Variants in NCAPG2 observed in about 807,000 individuals in gnomAD.
The protein encoded by NCAPG2 is condensin-2 complex subunit G2.
NCAPG2 carries 53 observed loss-of-function variants against 141.1 expected under a neutral mutation model. The observed-to-expected ratio is 0.38, with a 90% CI of 0.30 to 0.47. NCAPG2 has a LOEUF of 0.47. NCAPG2 is among the 20% of genes least tolerant of loss of function. The pLI, the probability that NCAPG2 is intolerant of heterozygous loss-of-function variation, is 0.99. For synonymous variants in NCAPG2, 499 were observed against 490.7 expected, an observed-to-expected ratio of 1.02 and a Z score of -0.22; for missense variants, 1,087 against 1,389.0, an observed-to-expected ratio of 0.78 and a Z score of 3.46.
intron 21 of NCAPG2, 95 bp from the exon 22 acceptor site, chr7:158,654,789 T>C: frequency 6.7e-7 from 1 of 1,486,020 alleles, no homozygotes; most frequent in Non-Finnish European, 8.9e-7. Flanking sequence ...GTGCTAGTTA[T>C]CTTATAAAGC....
chr7:158,646,224 T>A lies in NCAPG2; in HGVS notation c.3179+236A>T, dbSNP rs954198368. Among the ~76,000 whole-genome samples the A allele has an allele frequency of 1.5e-4, 23 of 152,246 alleles. 1 individual carries two copies. The highest frequency in any genetic ancestry group is 3.2e-3 in the Middle Eastern group (1 of 316). ...GAATTTAAGTTATGAGAAGCATAAC[T>A]AACCAGAGACTATTTAGATGAATAT... On this transcript the variant is annotated intron_variant, in intron 25 of 27. Coordinates refer to ENST00000356309, the MANE Select transcript of NCAPG2 (RefSeq NM_017760.7).
intron 13 of NCAPG2, among the ~76,000 whole-genome samples, chr7:158,667,546 A>C (rs75318651): frequency 7.3e-4 from 5 of 6,888 alleles, no homozygotes; most frequent in Non-Finnish European, 1.0e-3. Context: ...GTGGCCCTCC[A>C]CCCGCTTACC....
chr7:158,654,748 A>T, intron 21 of NCAPG2, 54 bp from the exon 22 acceptor site: 1 of 1,569,980 alleles, frequency 6.4e-7, no homozygotes, highest in Non-Finnish European at 8.6e-7. Flanking sequence ...AAAGGGAGTA[A>T]ATCCAGCCTC....
intron 8 of NCAPG2, among the ~76,000 whole-genome samples, chr7:158,685,735 G>A (rs1195269136): frequency 2.0e-5 from 3 of 152,130 alleles, no homozygotes; most frequent in Non-Finnish European, 2.9e-5. Flanking sequence ...CCATGGATGC[G>A]AAACCCACAA....
intron 22 of NCAPG2, among the ~76,000 whole-genome samples, chr7:158,653,402 T>TAA (rs1380065224): frequency 6.6e-6 from 1 of 150,638 alleles, no homozygotes; most frequent in Non-Finnish European, 1.5e-5. Context: ...ATAATAATAA[T>TAA]TAAACAAAAA....
intron 24 of NCAPG2, among the ~76,000 whole-genome samples, chr7:158,648,195 A>C (rs922628142): frequency 6.6e-5 from 10 of 152,234 alleles, no homozygotes; most frequent in African/African-American, 2.2e-4. Flanking sequence ...CAACAGCATA[A>C]GGGATAGGAG....
At chr7:158,685,603 A>G (rs1834707977) in intron 8 of NCAPG2, among the ~76,000 whole-genome samples, 1 of 152,206 alleles carries the variant, frequency 6.6e-6, no homozygotes, top group Non-Finnish European at 1.5e-5. Flanking sequence ...TACAGTGTCA[A>G]TGTTATGGAA....
intron 4 of NCAPG2, 106 bp downstream of exon 4, chr7:158,692,736 C>T (rs1835206263): frequency 1.1e-5 from 9 of 848,882 alleles, no homozygotes; most frequent in Admixed American, 2.4e-5. Flanking sequence ...AGCGAAACTC[C>T]GTCTCAAAAA....
chr7:158,672,645 A>G (rs1431472628), intron 12 of NCAPG2, among the ~76,000 whole-genome samples: 1 of 151,986 alleles, frequency 6.6e-6, no homozygotes, highest in Non-Finnish European at 1.5e-5. Flanking sequence ...CTGGCCACAT[A>G]TATTTTAATG....
intron 13 of NCAPG2, chr7:158,665,271 G>A (rs79018397): frequency 0.035 from 5,502 of 157,240 alleles, 147 homozygotes; most frequent in Middle Eastern, 0.078. Context: ...CCACAGCCTA[G>A]TCTCATCTCC....
chr7:158,697,214 A>C (rs1047359082), intron 2 of NCAPG2, among the ~76,000 whole-genome samples: 1 of 152,222 alleles, frequency 6.6e-6, no homozygotes, highest in Non-Finnish European at 1.5e-5. Context: ...CAAGATGTTA[A>C]GGTGGAAGAC....
intron 27 of NCAPG2, chr7:158,640,448 G>C (rs537487487): frequency 6.6e-6 from 1 of 152,158 alleles, no homozygotes; most frequent in Non-Finnish European, 1.5e-5. Flanking sequence ...TACAAGAATC[G>C]TTTGAACTTA....
At chr7:158,647,436 C>G (rs546902348) in intron 24 of NCAPG2, among the ~76,000 whole-genome samples, 3 of 152,226 alleles carry the variant, frequency 2.0e-5, no homozygotes, top group Admixed American at 6.5e-5. Context: ...TTTAGAGCCA[C>G]GAGGGCACCT....
chr7:158,632,129 T>C (rs931634341), intron 27 of NCAPG2, among the ~76,000 whole-genome samples: 1 of 152,200 alleles, frequency 6.6e-6, no homozygotes. Context: ...CCATGACATT[T>C]ACCTACTACC....
intron 13 of NCAPG2, chr7:158,667,216 C>G: frequency 2.0e-6 from 2 of 985,570 alleles, no homozygotes; most frequent in Non-Finnish European, 2.4e-6. Flanking sequence ...GTTCTGCCTT[C>G]TTCCTCTGCT....
Position 158,683,980 on chromosome 7 carries a change from T to C in NCAPG2, c.838-594A>G, listed in dbSNP as rs954029110. ...TAGCAAAAAACCCCAGTGGACCCTATGTCTGTACCTGTACTCTGTGCCCAC... is the reference window on the plus strand; with the variant it reads ...TAGCAAAAAACCCCAGTGGACCCTACGTCTGTACCTGTACTCTGTGCCCAC... On this transcript the variant is annotated intron_variant, in intron 8 of 27. Transcript: ENST00000356309. Among the ~76,000 whole-genome samples the C allele has an allele frequency of 3.3e-5, 5 of 152,356 alleles. No homozygotes were observed. The South Asian group carries it at 6.2e-4, about 19-fold the overall frequency.
chr7:158,659,844 G>A (rs902809064), intron 16 of NCAPG2, among the ~76,000 whole-genome samples: 1 of 152,150 alleles, frequency 6.6e-6, no homozygotes, highest in African/African-American at 2.4e-5. Flanking sequence ...GGGCACGGTG[G>A]CTCACGCCTG....
At chr7:158,654,003 C>T (rs1356764799) in intron 22 of NCAPG2, among the ~76,000 whole-genome samples, 2 of 152,098 alleles carry the variant, frequency 1.3e-5, no homozygotes, top group African/African-American at 4.8e-5. Flanking sequence ...AGGGTCCCAG[C>T]TCAGCAGTAC....
intron 15 of NCAPG2, among the ~76,000 whole-genome samples, chr7:158,663,101 T>G (rs371317094): frequency 6.6e-6 from 1 of 152,236 alleles, no homozygotes; most frequent in Non-Finnish European, 1.5e-5. Flanking sequence ...TGTGGCTGCA[T>G]GCCAGTAAGC....
Sources: allele counts gnomAD v4.1 joint callset (sites outside exome capture counted in the v4.1 genomes callset), GRCh38; gene constraint gnomAD v4.1.1; transcripts MANE v1.5; gene names NCBI Gene and HGNC (gene_info 2026-07-23, HGNC 2026-07-21).